SHISA6: variants seen among roughly 807,000 people sequenced by gnomAD.
SHISA6 encodes protein shisa-6.
Under a neutral mutation model 47.9 loss-of-function variants are expected in SHISA6, and 22 were observed. The observed-to-expected ratio is 0.46, with a 90% CI of 0.33 to 0.66. The LOEUF is 0.66. Ranked by LOEUF, SHISA6 falls within the 30% of genes least tolerant of loss-of-function variation. SHISA6 has a pLI of 0.02. For missense variants in SHISA6, 680 were observed against 764.6 expected (o/e 0.89, Z 1.30); for synonymous variants, 388 against 337.8 (o/e 1.15, Z -1.63).
chr17:11,402,973 C>T (rs1182908269), intron 3 of SHISA6, among the ~76,000 whole-genome samples: 1 of 152,196 alleles, frequency 6.6e-6, no homozygotes, highest in Non-Finnish European at 1.5e-5. Flanking sequence ...GCAATGGCTG[C>T]CTCATAGCCT....
chr17:11,382,087 G>A lies in SHISA6; in HGVS notation c.895+2578G>A, dbSNP rs557614314. On this transcript the variant is annotated intron_variant, in intron 3 of 5. Transcript: ENST00000441885. Reference sequence around the variant, plus strand: ...ATTCCGTTTTTTAGAGAGAGAGAGAGAGGGAGACAGGGTCTCACTCTGTTG... The same window carrying A: ...ATTCCGTTTTTTAGAGAGAGAGAGAAAGGGAGACAGGGTCTCACTCTGTTG... Among the ~76,000 whole-genome samples the A allele has an allele frequency of 2.6e-5, 4 of 152,156 alleles. No individual in the cohort carries two copies. In the East Asian group the frequency reaches 7.8e-4, roughly 30 times the overall value.
chr17:11,389,762 G>T (rs969607994), intron 3 of SHISA6, among the ~76,000 whole-genome samples: 2 of 152,134 alleles, frequency 1.3e-5, no homozygotes, highest in African/African-American at 4.8e-5. Context: ...TCCTGGCACT[G>T]GTCTTGGCAC....
intron 3 of SHISA6, among the ~76,000 whole-genome samples, chr17:11,461,098 A>ATAATAATT (rs1469679810): frequency 4.3e-4 from 65 of 152,342 alleles, no homozygotes; most frequent in African/African-American, 1.5e-3. Context: ...ATAAATATAA[A>ATAATAATT]TATCATCCTT....
intron 3 of SHISA6, among the ~76,000 whole-genome samples, chr17:11,530,206 T>C (rs1257497506): frequency 6.6e-6 from 1 of 152,116 alleles, no homozygotes; most frequent in African/African-American, 2.4e-5. Context: ...ACGAGCCTTA[T>C]TGATAACACC....
chr17:11,551,753 T>A, intron 3 of SHISA6, 143 bp from the exon 4 acceptor site: 1 of 694,734 alleles, frequency 1.4e-6, no homozygotes, highest in Non-Finnish European at 2.4e-6. Flanking sequence ...TCTTGGAGCC[T>A]CATACAATGA....
chr17:11,327,084 T>C (rs1046034602), intron 2 of SHISA6, among the ~76,000 whole-genome samples: 1 of 152,174 alleles, frequency 6.6e-6, no homozygotes, highest in Non-Finnish European at 1.5e-5. Flanking sequence ...AACCATCCGA[T>C]AGAGACTGAT....
At chr17:11,373,444 C>G (rs1912692924) in intron 2 of SHISA6, among the ~76,000 whole-genome samples, 1 of 152,084 alleles carries the variant, frequency 6.6e-6, no homozygotes, top group South Asian at 2.1e-4. Context: ...CTCCAGCTAC[C>G]CAGCATAGGA....
At chr17:11,384,556 A>G (rs921046202) in intron 3 of SHISA6, among the ~76,000 whole-genome samples, 1 of 152,202 alleles carries the variant, frequency 6.6e-6, no homozygotes, top group Non-Finnish European at 1.5e-5. Flanking sequence ...AAAGCCAGAG[A>G]ATTCTTTCCA....
At chr17:11,551,270 T>C (rs993140570) in intron 3 of SHISA6, among the ~76,000 whole-genome samples, 1 of 152,218 alleles carries the variant, frequency 6.6e-6, no homozygotes, top group Admixed American at 6.5e-5. Flanking sequence ...GCTTATTCCA[T>C]CTAAGTGGAA....
intron 3 of SHISA6, among the ~76,000 whole-genome samples, chr17:11,516,765 G>C (rs1454788215): frequency 6.6e-6 from 1 of 152,170 alleles, no homozygotes; most frequent in East Asian, 1.9e-4. Flanking sequence ...GTTAGAAAAG[G>C]GGACAACTAG....
At chr17:11,476,664 AT>A (rs1212998032) in intron 3 of SHISA6, among the ~76,000 whole-genome samples, 2 of 151,620 alleles carry the variant, frequency 1.3e-5, no homozygotes, top group Non-Finnish European at 2.9e-5. Context: ...ATTAAGGCAT[AT>A]TTCCTGGCCC....
At chr17:11,523,807 A>C (rs1042822957) in intron 3 of SHISA6, among the ~76,000 whole-genome samples, 2 of 152,104 alleles carry the variant, frequency 1.3e-5, no homozygotes, top group African/African-American at 4.8e-5. Flanking sequence ...GGAGTTCGAG[A>C]CCAGCCTGAC....
chr17:11,321,283 A>T (rs138509720), intron 2 of SHISA6, among the ~76,000 whole-genome samples: 1 of 152,292 alleles, frequency 6.6e-6, no homozygotes, highest in East Asian at 1.9e-4. Flanking sequence ...TTCTGTTCAT[A>T]CCTCTACCTC....
chr17:11,377,283 A>G (rs538868892), intron 2 of SHISA6, among the ~76,000 whole-genome samples: 104 of 152,268 alleles, frequency 6.8e-4, no homozygotes, highest in African/African-American at 2.4e-3. Flanking sequence ...ATTCTGTTCT[A>G]TAAAAGTGAG....
chr17:11,331,994 A>G (rs1911134997), intron 2 of SHISA6, among the ~76,000 whole-genome samples: 1 of 151,008 alleles, frequency 6.6e-6, no homozygotes, highest in Non-Finnish European at 1.5e-5. Context: ...TCTTCTCTGT[A>G]TCCTTCAGTT....
At chr17:11,441,396 C>T (rs911797812) in intron 3 of SHISA6, among the ~76,000 whole-genome samples, 1 of 152,146 alleles carries the variant, frequency 6.6e-6, no homozygotes, top group Non-Finnish European at 1.5e-5. Context: ...GATGACTTAG[C>T]ATAAGGAAGG....
At chr17:11,303,900 G>A (rs1002235983) in intron 2 of SHISA6, among the ~76,000 whole-genome samples, 3 of 152,192 alleles carry the variant, frequency 2.0e-5, no homozygotes, top group Admixed American at 1.3e-4. Context: ...TGGGCCTGAG[G>A]TGGGTACAGC....
intron 3 of SHISA6, among the ~76,000 whole-genome samples, chr17:11,391,090 G>A (rs1913372645): frequency 6.6e-6 from 1 of 152,212 alleles, no homozygotes; most frequent in Non-Finnish European, 1.5e-5. Context: ...GAATAGGGCA[G>A]GGCAGGTATT....
intron 2 of SHISA6, among the ~76,000 whole-genome samples, chr17:11,340,332 G>A (rs1222308703): frequency 6.6e-6 from 1 of 152,224 alleles, no homozygotes; most frequent in Non-Finnish European, 1.5e-5. Flanking sequence ...GCTCATGCCT[G>A]TGGTTGCATT....
Sources: gnomAD v4.1 joint callset for allele counts (sites outside exome capture counted in the v4.1 genomes callset) on GRCh38, gnomAD v4.1.1 for gene constraint, MANE v1.5 for transcripts, NCBI Gene and HGNC (gene_info 2026-07-23, HGNC 2026-07-21) for gene names.